Variants in PTPRO observed in about 807,000 individuals in gnomAD.
The protein encoded by PTPRO is protein tyrosine phosphatase receptor type O.
Under a neutral mutation model 145.2 loss-of-function variants are expected in PTPRO, and 62 were observed. The observed-to-expected ratio is 0.43, with a 90% CI of 0.35 to 0.53. The LOEUF (loss-of-function observed/expected upper bound fraction) is 0.53, where lower values mean the gene tolerates loss of function less well. Among genes scored for constraint, PTPRO ranks in the 20% least tolerant of loss-of-function variants. The pLI is 0.01. For missense variants in PTPRO, 1,345 were observed against 1,482.7 expected, an observed-to-expected ratio of 0.91 and a Z score of 1.53; for synonymous variants, 565 against 514.7, an observed-to-expected ratio of 1.10 and a Z score of -1.32.
intron 1 of PTPRO, among the ~76,000 whole-genome samples, chr12:15,372,249 C>G (rs777468912): frequency 2.6e-5 from 4 of 152,100 alleles, no homozygotes; most frequent in Non-Finnish European, 5.9e-5. Context: ...TGTAGGGGTG[C>G]AGTTCAAAAC....
At chr12:15,414,511 G>GA (rs35633187) in intron 1 of PTPRO, among the ~76,000 whole-genome samples, 1,862 of 152,196 alleles carry the variant, frequency 0.012, 21 homozygotes, top group East Asian at 0.032. Context: ...GCTGTGCATA[G>GA]AAGTTATTTT....
chr12:15,541,922 G>A (rs1206077444), intron 12 of PTPRO, among the ~76,000 whole-genome samples: 4 of 152,044 alleles, frequency 2.6e-5, no homozygotes, highest in Non-Finnish European at 4.4e-5. Context: ...TGAGTGGGAG[G>A]ATCGCTTGAA....
At chr12:15,561,852 C>G (rs776435655) in intron 17 of PTPRO, among the ~76,000 whole-genome samples, 3 of 152,068 alleles carry the variant, frequency 2.0e-5, no homozygotes, top group Non-Finnish European at 4.4e-5. Flanking sequence ...TTCTCATTTT[C>G]CACAGTGCGT....
intron 1 of PTPRO, among the ~76,000 whole-genome samples, chr12:15,405,560 G>C (rs1437742752): frequency 6.6e-6 from 1 of 152,074 alleles, no homozygotes; most frequent in Non-Finnish European, 1.5e-5. Flanking sequence ...TACCTATTAG[G>C]TAGACAAAAA....
At chr12:15,451,296 T>C (rs192676088) in intron 1 of PTPRO, among the ~76,000 whole-genome samples, 63 of 151,880 alleles carry the variant, frequency 4.1e-4, no homozygotes, top group African/African-American at 1.0e-3. Flanking sequence ...CAATCCTATA[T>C]ACATATATAT....
At chr12:15,360,899 C>CACATACACATGTGTGTATAT (rs1938177587) in intron 1 of PTPRO, among the ~76,000 whole-genome samples, 1 of 103,442 alleles carries the variant, frequency 9.7e-6, no homozygotes, top group Non-Finnish European at 2.1e-5. Flanking sequence ...TGTGTATATA[C>CACATACACATGTGTGTATAT]ACACACATAT....
intron 1 of PTPRO, among the ~76,000 whole-genome samples, chr12:15,385,921 C>T (rs1939014334): frequency 6.6e-6 from 1 of 151,226 alleles, no homozygotes; most frequent in South Asian, 2.1e-4. Flanking sequence ...TATTTCTCAG[C>T]CTTGGTTCTG....
intron 15 of PTPRO, among the ~76,000 whole-genome samples, chr12:15,554,215 C>T (rs1943554078): frequency 6.6e-6 from 1 of 152,026 alleles, no homozygotes; most frequent in African/African-American, 2.4e-5. Flanking sequence ...GAGGCTAACT[C>T]CTGGGTTTTT....
chr12:15,575,474 T>G (rs1296872023), intron 19 of PTPRO, among the ~76,000 whole-genome samples: 1 of 152,194 alleles, frequency 6.6e-6, no homozygotes, highest in East Asian at 1.9e-4. Context: ...GATCTTGGAC[T>G]TCCCAGCCTC....
intron 1 of PTPRO, among the ~76,000 whole-genome samples, chr12:15,350,281 G>A (rs1937757447): frequency 6.6e-6 from 1 of 152,174 alleles, no homozygotes; most frequent in African/African-American, 2.4e-5. Context: ...CAAACTGACA[G>A]TGCCAAGGGC....
At chr12:15,391,169 A>T (rs569698232) in intron 1 of PTPRO, among the ~76,000 whole-genome samples, 2 of 152,326 alleles carry the variant, frequency 1.3e-5, no homozygotes, top group South Asian at 4.1e-4. Context: ...AGTCTATAAC[A>T]CAGCCCATCC....
intron 13 of PTPRO, among the ~76,000 whole-genome samples, chr12:15,547,107 G>A (rs1943313677): frequency 6.6e-6 from 1 of 152,186 alleles, no homozygotes; most frequent in Non-Finnish European, 1.5e-5. Flanking sequence ...TTTTTATATG[G>A]TGTAGACATT....
At chr12:15,538,413 T>TG (rs1014433837) in intron 12 of PTPRO, among the ~76,000 whole-genome samples, 1 of 152,078 alleles carries the variant, frequency 6.6e-6, no homozygotes, top group Non-Finnish European at 1.5e-5. Flanking sequence ...TTAGTAGAGA[T>TG]GGGGTTTCAC....
chr12:15,516,580 G>C (rs1942600191), intron 8 of PTPRO, among the ~76,000 whole-genome samples, 183 bp from the exon 9 acceptor site: 1 of 138,752 alleles, frequency 7.2e-6, no homozygotes, highest in Non-Finnish European at 1.6e-5. Flanking sequence ...GGCAGGGGGA[G>C]GGAGGAAGGA....
chr12:15,502,547 A>G (rs933665229), intron 5 of PTPRO, among the ~76,000 whole-genome samples: 2 of 152,178 alleles, frequency 1.3e-5, no homozygotes, highest in Non-Finnish European at 2.9e-5. Flanking sequence ...TGTTCCCTTT[A>G]GGGTGCGCCC....
intron 1 of PTPRO, among the ~76,000 whole-genome samples, chr12:15,430,163 T>C (rs1014521722): frequency 6.7e-6 from 1 of 149,234 alleles, no homozygotes; most frequent in Non-Finnish European, 1.5e-5. Context: ...TTTTTGCACA[T>C]AGGTAGTTGG....
At chr12:15,560,786 G>A (rs2135585816) in intron 17 of PTPRO, among the ~76,000 whole-genome samples, 1 of 152,194 alleles carries the variant, frequency 6.6e-6, no homozygotes, top group South Asian at 2.1e-4. Flanking sequence ...CAATCCTGCA[G>A]AGAGTATTAC....
At chr12:15,404,429 A>G (rs1939592699) in intron 1 of PTPRO, among the ~76,000 whole-genome samples, 2 of 152,170 alleles carry the variant, frequency 1.3e-5, no homozygotes, top group Non-Finnish European at 2.9e-5. Context: ...GCAATTTCAC[A>G]TACTGTACTT....
intron 19 of PTPRO, among the ~76,000 whole-genome samples, chr12:15,574,327 T>A (rs1001089985): frequency 6.6e-6 from 1 of 152,236 alleles, no homozygotes; most frequent in African/African-American, 2.4e-5. Flanking sequence ...TCCTCATTTT[T>A]TACATTTCAC....
Sources: allele counts gnomAD v4.1 joint callset (sites outside exome capture counted in the v4.1 genomes callset), GRCh38; gene constraint gnomAD v4.1.1; transcripts MANE v1.5; gene names NCBI Gene and HGNC (gene_info 2026-07-23, HGNC 2026-07-21).